CDH18: variants seen among roughly 807,000 people sequenced by gnomAD.
CDH18 encodes cadherin 18, also known as cadherin-18.
Under a neutral mutation model 67.9 loss-of-function variants are expected in CDH18, and 31 were observed. That is an observed-to-expected ratio of 0.46 (90% confidence interval 0.34 to 0.62). The LOEUF (loss-of-function observed/expected upper bound fraction) is 0.62. Ranked by LOEUF, CDH18 falls within the 20% of genes least tolerant of loss-of-function variation. The probability of loss-of-function intolerance (pLI) is 0.01; values close to 1 mark genes in which losing one functional copy is unlikely to be tolerated. For synonymous variants in CDH18, 362 were observed against 347.2 expected (o/e 1.04, Z -0.48); for missense variants, 890 against 975.5 (o/e 0.91, Z 1.17).
intron 2 of CDH18, among the ~76,000 whole-genome samples, chr5:19,853,705 A>G (rs1204437434): frequency 6.6e-6 from 1 of 152,114 alleles, no homozygotes; most frequent in Non-Finnish European, 1.5e-5. Flanking sequence ...TGGAGGAGAT[A>G]TAAGTTTTGC....
At chr5:20,538,078 G>A (rs760003311) in intron 1 of CDH18, among the ~76,000 whole-genome samples, 2 of 135,930 alleles carry the variant, frequency 1.5e-5, no homozygotes, top group South Asian at 2.5e-4. Flanking sequence ...TCAGAATTAT[G>A]AGTTTACTTG....
chr5:20,298,475 C>T (rs972806084), intron 1 of CDH18, among the ~76,000 whole-genome samples: 1 of 152,072 alleles, frequency 6.6e-6, no homozygotes, highest in Non-Finnish European at 1.5e-5. Flanking sequence ...ATTCACTGAG[C>T]AAGTTATCTT....
chr5:20,188,493 CATT>C (rs897108471), intron 2 of CDH18, among the ~76,000 whole-genome samples: 18 of 152,060 alleles, frequency 1.2e-4, no homozygotes, highest in South Asian at 4.1e-4. Flanking sequence ...TCATCATCAT[CATT>C]ATCTTCATCA....
chr5:20,518,579 C>T (rs1241366929), intron 1 of CDH18, among the ~76,000 whole-genome samples: 1 of 152,086 alleles, frequency 6.6e-6, no homozygotes, highest in Non-Finnish European at 1.5e-5. Flanking sequence ...ATGGACTAAG[C>T]ATTTTGTAGT....
chr5:20,472,413 T>C (rs1210965393), intron 1 of CDH18, among the ~76,000 whole-genome samples: 1 of 152,164 alleles, frequency 6.6e-6, no homozygotes, highest in East Asian at 1.9e-4. Context: ...ACAATGTAGA[T>C]CCGTAGACTG....
intron 5 of CDH18, among the ~76,000 whole-genome samples, chr5:19,642,837 AT>A (rs1580663699): frequency 6.6e-6 from 1 of 152,234 alleles, no homozygotes; most frequent in East Asian, 1.9e-4. Flanking sequence ...GTTCCATCAA[AT>A]TAACAATTTG....
At chr5:19,778,624 T>G (rs1178374049) in intron 3 of CDH18, among the ~76,000 whole-genome samples, 1 of 152,190 alleles carries the variant, frequency 6.6e-6, no homozygotes, top group Non-Finnish European at 1.5e-5. Flanking sequence ...TTTACCAGCC[T>G]TAAAACAAGA....
At chr5:19,949,273 G>A (rs1040212945) in intron 2 of CDH18, among the ~76,000 whole-genome samples, 3 of 152,052 alleles carry the variant, frequency 2.0e-5, no homozygotes, top group Non-Finnish European at 4.4e-5. Flanking sequence ...TTTGAGATAT[G>A]TGTATTTTTT....
chr5:19,884,215 C>T (rs560222094), intron 2 of CDH18, among the ~76,000 whole-genome samples: 5 of 152,184 alleles, frequency 3.3e-5, no homozygotes, highest in South Asian at 4.1e-4. Flanking sequence ...GCGGCAAGGT[C>T]GCCTACTTCA....
intron 7 of CDH18, among the ~76,000 whole-genome samples, chr5:19,580,970 A>C (rs2149983054): frequency 6.6e-6 from 1 of 152,102 alleles, no homozygotes; most frequent in South Asian, 2.1e-4. Flanking sequence ...ATTAAGTTAA[A>C]AATGAGCTGA....
chr5:19,966,058 G>C (rs984311024), intron 2 of CDH18, among the ~76,000 whole-genome samples: 1 of 152,124 alleles, frequency 6.6e-6, no homozygotes, highest in Non-Finnish European at 1.5e-5. Flanking sequence ...AAATTTTGTT[G>C]TGTGAGTTTG....
chr5:20,124,618 G>C (rs1405985414), intron 2 of CDH18, among the ~76,000 whole-genome samples: 1 of 152,180 alleles, frequency 6.6e-6, no homozygotes, highest in African/African-American at 2.4e-5. Flanking sequence ...GAGAGAAATT[G>C]AAAGTAGGTT....
At chr5:20,314,448 T>G (rs1737278722) in intron 1 of CDH18, among the ~76,000 whole-genome samples, 1 of 152,114 alleles carries the variant, frequency 6.6e-6, no homozygotes, top group Non-Finnish European at 1.5e-5. Context: ...TGCATGTACC[T>G]TAAGAGAGGA....
At chr5:19,532,033 C>T (rs1315510114) in intron 9 of CDH18, among the ~76,000 whole-genome samples, 2 of 152,282 alleles carry the variant, frequency 1.3e-5, no homozygotes, top group East Asian at 1.9e-4. Context: ...CTGCAAAATT[C>T]ATTATACTTT....
intron 2 of CDH18, among the ~76,000 whole-genome samples, chr5:20,153,132 C>T (rs537967626): frequency 2.6e-5 from 4 of 151,682 alleles, no homozygotes; most frequent in South Asian, 4.2e-4. Context: ...TTAGTACAGA[C>T]GGGGTTTCAC....
chr5:20,106,585 T>C (rs554851080), intron 2 of CDH18, among the ~76,000 whole-genome samples: 79 of 152,358 alleles, frequency 5.2e-4, no homozygotes, highest in African/African-American at 1.8e-3. Flanking sequence ...ATATAATAAA[T>C]TGCACATTCC....
At chr5:19,588,265 A>G (rs1291490647) in intron 7 of CDH18, among the ~76,000 whole-genome samples, 3 of 151,908 alleles carry the variant, frequency 2.0e-5, no homozygotes, top group Non-Finnish European at 4.4e-5. Context: ...CTATCTGAAT[A>G]CCCTTTATTT....
At chr5:19,921,323 A>G (rs1481034956) in intron 2 of CDH18, among the ~76,000 whole-genome samples, 1 of 152,108 alleles carries the variant, frequency 6.6e-6, no homozygotes, top group Non-Finnish European at 1.5e-5. Context: ...CGAGGTCAGG[A>G]GATTGCGACT....
At position 20,056,478 on chromosome 5, in the gene CDH18, G is replaced by GTTTTTTTTT. The variant is rs58415003; in HGVS notation, c.-517-64473_-517-64465dup. On this transcript the variant is annotated intron_variant, in intron 2 of 14. Transcript: ENST00000507958. The stretch of plus-strand genomic sequence containing the variant: ...TATTTTTCTTTATTTTCTTTCTTTT[G>GTTTTTTTTT]TTTTTTTTTTTTTTTTTTTTTTTTT... 6.1e-4 allele frequency among the ~76,000 whole-genome samples: 10 copies of GTTTTTTTTT among 16,290 alleles called. 1 individual carries two copies. The highest frequency in any genetic ancestry group is 8.9e-4 in the Non-Finnish European group (7 of 7,900). The allele number at this position is 16,290 out of a possible 152,430, so 10.7% of individuals were successfully genotyped here.
Sources: allele counts gnomAD v4.1 joint callset (sites outside exome capture counted in the v4.1 genomes callset), GRCh38; gene constraint gnomAD v4.1.1; transcripts MANE v1.5; gene names NCBI Gene and HGNC (gene_info 2026-07-23, HGNC 2026-07-21).